FRMD4B: variants seen among roughly 807,000 people sequenced by gnomAD.
FRMD4B encodes the protein FERM domain-containing protein 4B.
FRMD4B carries 74 observed loss-of-function variants against 141.5 expected under a neutral mutation model. The ratio of observed to expected loss-of-function variants is 0.52; its 90% CI spans 0.43 to 0.63. FRMD4B has a LOEUF of 0.63. Ranked by LOEUF, FRMD4B falls within the 30% of genes least tolerant of loss-of-function variation. The pLI, the probability that FRMD4B is intolerant of heterozygous loss-of-function variation, is 0.00. For synonymous variants in FRMD4B, 506 were observed against 467.9 expected (o/e 1.08, Z -1.05); for missense variants, 1,366 against 1,253.4 (o/e 1.09, Z -1.36).
At chr3:69,216,208 T>C (rs542727099) in intron 11 of FRMD4B, 55 bp downstream of exon 11, 3 of 938,674 alleles carry the variant, frequency 3.2e-6, no homozygotes, top group Non-Finnish European at 5.1e-6. Flanking sequence ...TCAACTATGT[T>C]GTGATTAACA....
intron 19 of FRMD4B, among the ~76,000 whole-genome samples, chr3:69,185,160 G>A (rs984777647): frequency 6.6e-6 from 1 of 151,942 alleles, no homozygotes; most frequent in Non-Finnish European, 1.5e-5. Flanking sequence ...AATTAGCCAG[G>A]TGTGGTGGCA....
intron 1 of FRMD4B, among the ~76,000 whole-genome samples, chr3:69,467,200 T>C (rs536024601): frequency 1.1e-4 from 16 of 152,298 alleles, no homozygotes; most frequent in African/African-American, 3.8e-4. Context: ...GGGTCTGCAA[T>C]TTGACATGTC....
At chr3:69,347,911 C>T (rs1158321915) in intron 1 of FRMD4B, among the ~76,000 whole-genome samples, 2 of 152,102 alleles carry the variant, frequency 1.3e-5, no homozygotes, top group African/African-American at 4.8e-5. Flanking sequence ...CCTAACATCA[C>T]AATTAAAAGA....
chr3:69,521,282 C>G (rs1700849776), intron 1 of FRMD4B, among the ~76,000 whole-genome samples: 1 of 152,188 alleles, frequency 6.6e-6, no homozygotes, highest in Non-Finnish European at 1.5e-5. Flanking sequence ...AGTCTCACAA[C>G]AAAATTAACT....
intron 2 of FRMD4B, among the ~76,000 whole-genome samples, chr3:69,430,696 C>G (rs114746311): frequency 5.3e-5 from 8 of 152,120 alleles, no homozygotes; most frequent in Non-Finnish European, 4.4e-5. Flanking sequence ...ATGGTAGTAA[C>G]GAGTGCTATA....
chr3:69,237,269 GC>G (rs1157897021), intron 7 of FRMD4B, among the ~76,000 whole-genome samples: 3 of 152,204 alleles, frequency 2.0e-5, no homozygotes, highest in African/African-American at 7.2e-5. Flanking sequence ...GCCAGCCCTT[GC>G]TCTCCTCCCC....
chr3:69,199,346 C>T (rs1033075055), intron 11 of FRMD4B: 3 of 152,410 alleles, frequency 2.0e-5, no homozygotes, highest in African/African-American at 4.8e-5. Context: ...AGAACATGTA[C>T]ACTATTTTTC....
chr3:69,523,460 C>T (rs1271527824), intron 1 of FRMD4B, among the ~76,000 whole-genome samples: 1 of 152,126 alleles, frequency 6.6e-6, no homozygotes, highest in Non-Finnish European at 1.5e-5. Flanking sequence ...AAGCGAGACC[C>T]TCCCTCTTCT....
At chr3:69,312,764 TG>T (rs2107231815) in intron 2 of FRMD4B, among the ~76,000 whole-genome samples, 1 of 152,106 alleles carries the variant, frequency 6.6e-6, no homozygotes, top group African/African-American at 2.4e-5. Context: ...CCCGGCAAGG[TG>T]GTGGTGGCCT....
rs971778972 is a variant in FRMD4B at position 69,485,355 on chromosome 3, T to C, written c.-128-52594A>G. Among the ~76,000 whole-genome samples, 25 of 152,310 alleles carry C rather than the reference T, an allele frequency of 1.6e-4. No individual in the cohort carries two copies. In the East Asian group the frequency reaches 4.7e-3, roughly 28 times the overall value. ...CTAAGAGTGCAGGGATGCCTGGATC[T>C]ACAGCCCCAGCTTGCACAGCTGGAG... On this transcript the variant is annotated intron_variant, in intron 1 of 5. Coordinates refer to the FRMD4B transcript ENST00000459638.
At chr3:69,485,184 C>A (rs1706194498) in intron 1 of FRMD4B, among the ~76,000 whole-genome samples, 1 of 152,224 alleles carries the variant, frequency 6.6e-6, no homozygotes, top group African/African-American at 2.4e-5. Context: ...TCTGTGGGTG[C>A]ACACACCCGG....
intron 7 of FRMD4B, among the ~76,000 whole-genome samples, chr3:69,247,326 GC>G (rs772738331): frequency 5.9e-5 from 9 of 152,096 alleles, no homozygotes; most frequent in Non-Finnish European, 1.2e-4. Flanking sequence ...TTGAGTGTGA[GC>G]TTTTGGGCCC....
chr3:69,212,383 A>AG (rs2093094156), intron 11 of FRMD4B, among the ~76,000 whole-genome samples: 1 of 138,364 alleles, frequency 7.2e-6, no homozygotes, highest in South Asian at 2.2e-4. Flanking sequence ...AAAAAAAAGA[A>AG]AAAAAAAAAG....
intron 7 of FRMD4B, among the ~76,000 whole-genome samples, chr3:69,234,341 T>C (rs2093330620): frequency 6.6e-6 from 1 of 152,132 alleles, no homozygotes. Flanking sequence ...GGATCTTCTA[T>C]TGAAGGATGA....
chr3:69,510,848 T>C (rs933379076), intron 1 of FRMD4B, among the ~76,000 whole-genome samples: 1 of 152,232 alleles, frequency 6.6e-6, no homozygotes, highest in Non-Finnish European at 1.5e-5. Context: ...CCTTTTCTCA[T>C]ACTTCAGAAC....
chr3:69,432,926 A>G (rs898575643), intron 1 of FRMD4B: 2 of 152,224 alleles, frequency 1.3e-5, no homozygotes, highest in African/African-American at 4.8e-5. Context: ...TTTAGAATAG[A>G]GTTCTCTCGA....
At chr3:69,198,391 C>T (rs902213060) in intron 12 of FRMD4B, 4 of 287,576 alleles carry the variant, frequency 1.4e-5, no homozygotes, top group African/African-American at 8.7e-5. Flanking sequence ...CACTTCAACC[C>T]ACTAGGATGG....
chr3:69,356,331 T>C (rs1703322101), intron 1 of FRMD4B, among the ~76,000 whole-genome samples: 1 of 152,138 alleles, frequency 6.6e-6, no homozygotes, highest in South Asian at 2.1e-4. Context: ...GGGCACCATC[T>C]GATCAGCTGC....
intron 19 of FRMD4B, among the ~76,000 whole-genome samples, chr3:69,187,054 G>T (rs2092775700): frequency 6.6e-6 from 1 of 152,068 alleles, no homozygotes; most frequent in South Asian, 2.1e-4. Flanking sequence ...ATGTTTATTT[G>T]CAGGACTGGA....
Sources: allele counts gnomAD v4.1 joint callset (sites outside exome capture counted in the v4.1 genomes callset), GRCh38; gene constraint gnomAD v4.1.1; transcripts MANE v1.5; gene names NCBI Gene and HGNC (gene_info 2026-07-23, HGNC 2026-07-21).